ANKRD20A1: variants seen among roughly 807,000 people sequenced by gnomAD.
ANKRD20A1 encodes ankyrin repeat domain 20 family member A1, also known as ankyrin repeat domain-containing protein 20A1.
A neutral mutation model predicts 50.9 loss-of-function variants in ANKRD20A1; 2 were observed. The observed-to-expected ratio is 0.04, with a 90% CI of 0.02 to 0.12. The LOEUF (loss-of-function observed/expected upper bound fraction) is 0.12, where lower values mean the gene tolerates loss of function less well. ANKRD20A1 is among the 10% of genes least tolerant of loss of function. ANKRD20A1 has a pLI of 1.00. For missense variants in ANKRD20A1, 31 were observed against 548.1 expected (o/e 0.06, Z 9.42); for synonymous variants, 10 against 186.2 (o/e 0.05, Z 7.70).
intron 6 of ANKRD20A1, among the ~76,000 whole-genome samples, chr9:67,873,352 CATT>C (rs1408732976): frequency 6.6e-6 from 1 of 151,196 alleles, no homozygotes; most frequent in East Asian, 1.9e-4. Flanking sequence ...GCTCATTTCA[CATT>C]ATTTTCTGAC....
chr9:67,894,611 C>A (rs1164595954), intron 12 of ANKRD20A1, among the ~76,000 whole-genome samples: 1 of 92,526 alleles, frequency 1.1e-5, no homozygotes, highest in Admixed American at 1.4e-4. Context: ...TTAAGGGTGG[C>A]AACACATAGA....
chr9:67,882,289 G>A (rs1439747026), intron 8 of ANKRD20A1, among the ~76,000 whole-genome samples: 3 of 151,486 alleles, frequency 2.0e-5, no homozygotes, highest in African/African-American at 7.3e-5. Flanking sequence ...CCTTAATAAT[G>A]TTTAATCTGA....
At chr9:67,891,199 C>G (rs1173549487) in intron 11 of ANKRD20A1, among the ~76,000 whole-genome samples, 1 of 115,752 alleles carries the variant, frequency 8.6e-6, no homozygotes, top group Non-Finnish European at 1.8e-5. Flanking sequence ...GAGGCTGAGG[C>G]AGGAGAATCA....
chr9:67,894,706 C>A (rs1827990846), intron 12 of ANKRD20A1, among the ~76,000 whole-genome samples: 1 of 75,848 alleles, frequency 1.3e-5, no homozygotes, highest in Non-Finnish European at 2.8e-5. Context: ...TGCACTCTGA[C>A]AGAAAAGGCA....
intron 4 of ANKRD20A1, among the ~76,000 whole-genome samples, chr9:67,867,627 C>T (rs1827594860): frequency 6.6e-6 from 1 of 152,072 alleles, no homozygotes; most frequent in African/African-American, 2.4e-5. Flanking sequence ...GTACTGTAAT[C>T]TTTTATTAGC....
intron 6 of ANKRD20A1, among the ~76,000 whole-genome samples, chr9:67,876,440 AC>A (rs1418569497): frequency 7.0e-6 from 1 of 142,994 alleles, no homozygotes; most frequent in African/African-American, 2.6e-5. Flanking sequence ...AGCCTGCCAC[AC>A]CTCCCTGGTG....
chr9:67,884,170 G>T (rs1827836919), intron 8 of ANKRD20A1, among the ~76,000 whole-genome samples: 1 of 138,310 alleles, frequency 7.2e-6, no homozygotes, highest in Non-Finnish European at 1.6e-5. Flanking sequence ...AGGCAGAAGT[G>T]GAAGATTTAC....
chr9:67,868,925 G>C (rs1486796894), intron 5 of ANKRD20A1, among the ~76,000 whole-genome samples: 1 of 71,604 alleles, frequency 1.4e-5, no homozygotes, highest in African/African-American at 4.1e-5. Context: ...TGTTGCCCTG[G>C]CTGGTCTTGA....
intron 3 of ANKRD20A1, among the ~76,000 whole-genome samples, chr9:67,865,154 T>C (rs1827540174): frequency 6.6e-6 from 1 of 151,946 alleles, no homozygotes; most frequent in Non-Finnish European, 1.5e-5. Flanking sequence ...TGAAGTTTTA[T>C]TATGAACTAT....
chr9:67,881,637 G>T (rs1253967036), intron 8 of ANKRD20A1, among the ~76,000 whole-genome samples: 335 of 151,910 alleles, frequency 2.2e-3, no homozygotes, highest in African/African-American at 7.8e-3. Context: ...CAAAACAAAA[G>T]CAGAAAAATT....
rs912422219 is a variant in ANKRD20A1 at position 67,896,288 on chromosome 9, A to G, written c.1153-1271A>G. 2.7e-5 allele frequency among the ~76,000 whole-genome samples: 2 copies of G among 73,188 alleles called. 1 individual carries two copies. The highest frequency in any genetic ancestry group is 5.9e-5 in the Non-Finnish European group (2 of 33,686). 48.0% of individuals were successfully genotyped at this position (73,188 alleles called of 152,430 possible). A position where few individuals can be genotyped will look rare whatever the true frequency, so the allele number is the denominator to read the frequency against. ...ATTCCCAGCCAAATGAGTCTGTTTA[A>G]TGTGTTTTCATGCATGCAAGTTTAT... is the stretch of plus-strand genomic sequence containing the variant. On this transcript the variant is annotated intron_variant, in intron 12 of 14. Transcript: ENST00000562196.
At chr9:67,881,934 T>C (rs1407630253) in intron 8 of ANKRD20A1, among the ~76,000 whole-genome samples, 1 of 145,082 alleles carries the variant, frequency 6.9e-6, no homozygotes, top group Non-Finnish European at 1.5e-5. Context: ...AACATATTTG[T>C]GTGTATCCTG....
intron 8 of ANKRD20A1, among the ~76,000 whole-genome samples, chr9:67,882,908 T>C (rs1192067189): frequency 1.3e-5 from 2 of 151,154 alleles, no homozygotes; most frequent in South Asian, 2.1e-4. Context: ...GTCCTTGCGA[T>C]AGTTTGCTCA....
chr9:67,878,810 C>A (rs1329922567), intron 7 of ANKRD20A1, among the ~76,000 whole-genome samples: 2 of 79,974 alleles, frequency 2.5e-5, no homozygotes, highest in African/African-American at 6.6e-5. Context: ...CTTTTTATAT[C>A]CTATTGGCGT....
chr9:67,894,820 ATCTG>A (rs757559831), intron 12 of ANKRD20A1, among the ~76,000 whole-genome samples: 60 of 40,898 alleles, frequency 1.5e-3, no homozygotes, highest in Non-Finnish European at 2.3e-3. Context: ...AAAGGGAATA[ATCTG>A]TCTGTATATT....
chr9:67,882,324 A>G (rs1587602068), intron 8 of ANKRD20A1, among the ~76,000 whole-genome samples: 1 of 151,212 alleles, frequency 6.6e-6, no homozygotes, highest in Admixed American at 6.7e-5. Flanking sequence ...GAATTTTTAT[A>G]TAATGGAATG....
intron 8 of ANKRD20A1, among the ~76,000 whole-genome samples, chr9:67,882,263 G>A (rs1349067177): frequency 6.6e-6 from 1 of 151,418 alleles, no homozygotes; most frequent in Non-Finnish European, 1.5e-5. Context: ...CTGGGTTACA[G>A]GCATAAGATA....
At chr9:67,865,936 T>A (rs1372366491) in intron 3 of ANKRD20A1, among the ~76,000 whole-genome samples, 4 of 150,454 alleles carry the variant, frequency 2.7e-5, no homozygotes, top group Non-Finnish European at 4.4e-5. Flanking sequence ...TTTTAGAGTT[T>A]AGAAGCTTTT....
At chr9:67,883,051 G>A (rs1181131524) in intron 8 of ANKRD20A1, among the ~76,000 whole-genome samples, 1 of 151,100 alleles carries the variant, frequency 6.6e-6, no homozygotes, top group African/African-American at 2.4e-5. Context: ...GGACATTTGG[G>A]TTGGTTCCAA....
Sources: allele counts gnomAD v4.1 joint callset (sites outside exome capture counted in the v4.1 genomes callset), GRCh38; gene constraint gnomAD v4.1.1; transcripts MANE v1.5; gene names NCBI Gene and HGNC (gene_info 2026-07-23, HGNC 2026-07-21).